Variants in XPO6 observed in about 807,000 individuals in gnomAD.
The protein encoded by XPO6 is exportin-6.
XPO6 carries 3 observed loss-of-function variants against 130.0 expected under a neutral mutation model. That is an observed-to-expected ratio of 0.02 (90% confidence interval 0.01 to 0.06). The LOEUF (loss-of-function observed/expected upper bound fraction) is 0.06. Ranked by LOEUF, XPO6 falls within the 10% of genes least tolerant of loss-of-function variation. XPO6 has a pLI of 1.00. For missense variants in XPO6, 970 were observed against 1,393.0 expected (o/e 0.70, Z 4.83); for synonymous variants, 524 against 548.9 (o/e 0.95, Z 0.63).
At chr16:28,160,184 TAAAAAAA>T (rs56947792) in intron 6 of XPO6, among the ~76,000 whole-genome samples, 1 of 76,126 alleles carries the variant, frequency 1.3e-5, no homozygotes, top group African/African-American at 5.9e-5. Context: ...GCCTCCGTCT[TAAAAAAA>T]AAAAAAAAAA....
At chr16:28,182,206 AAAC>A (rs1472855651) in intron 1 of XPO6, among the ~76,000 whole-genome samples, 5 of 152,206 alleles carry the variant, frequency 3.3e-5, no homozygotes, top group Admixed American at 6.5e-5. Flanking sequence ...CTGCATTTTA[AAAC>A]AACAAGCCCA....
chr16:28,136,041 A>G (rs369800389), intron 9 of XPO6, among the ~76,000 whole-genome samples: 2 of 152,208 alleles, frequency 1.3e-5, no homozygotes, highest in Non-Finnish European at 2.9e-5. Flanking sequence ...CAATGATTTC[A>G]TGCTTTTAAC....
intron 21 of XPO6, among the ~76,000 whole-genome samples, chr16:28,103,790 T>TGC (rs3216911): frequency 1.3e-5 from 2 of 152,280 alleles, no homozygotes; most frequent in South Asian, 4.2e-4. Context: ...TGTGTGTGTG[T>TGC]GCGCGCGCAT....
chr16:28,105,414 G>A (rs2086752316), intron 20 of XPO6, among the ~76,000 whole-genome samples: 1 of 152,158 alleles, frequency 6.6e-6, no homozygotes. Context: ...GTTCAGCCTT[G>A]ATTAAAATTA....
intron 8 of XPO6, among the ~76,000 whole-genome samples, chr16:28,146,934 C>T (rs1227245479): frequency 2.0e-5 from 3 of 152,118 alleles, no homozygotes; most frequent in African/African-American, 7.2e-5. Flanking sequence ...CATGCAAAGT[C>T]CAGGCAACAC....
At chr16:28,170,849 C>G (rs953015065) in intron 4 of XPO6, among the ~76,000 whole-genome samples, 1 of 152,178 alleles carries the variant, frequency 6.6e-6, no homozygotes, top group African/African-American at 2.4e-5. Flanking sequence ...AGTACGCCTT[C>G]AACAGCAAAG....
chr16:28,177,548 G>C (rs1378129598), intron 2 of XPO6, among the ~76,000 whole-genome samples: 1 of 152,152 alleles, frequency 6.6e-6, no homozygotes, highest in Non-Finnish European at 1.5e-5. Context: ...CCACCTAAAA[G>C]CCAATAACCT....
chr16:28,197,938 ATTGTT>A (rs2043892059), intron 1 of XPO6, among the ~76,000 whole-genome samples: 1 of 134,802 alleles, frequency 7.4e-6, no homozygotes. Context: ...AAAAAAAAAA[ATTGTT>A]CAGACTACAT....
chr16:28,170,732 GA>G (rs1341120304), intron 4 of XPO6, among the ~76,000 whole-genome samples: 6 of 152,158 alleles, frequency 3.9e-5, no homozygotes, highest in African/African-American at 1.4e-4. Context: ...ATTAAACTAA[GA>G]TTAGTTAGGA....
chr16:28,170,482 A>G (rs1252777819), intron 4 of XPO6, among the ~76,000 whole-genome samples: 1 of 152,228 alleles, frequency 6.6e-6, no homozygotes, highest in East Asian at 1.9e-4. Context: ...TTTATACCTA[A>G]CATGACAATT....
At chr16:28,199,085 A>G (rs2043913360) in intron 1 of XPO6, among the ~76,000 whole-genome samples, 1 of 151,922 alleles carries the variant, frequency 6.6e-6, no homozygotes, top group African/African-American at 2.4e-5. Context: ...GGTTGCAGTG[A>G]GCTGAGATCG....
rs557736083 is a variant in XPO6, at chr16:28,146,566, T to C, written c.1225-363A>G. On this transcript the variant is annotated intron_variant, in intron 8 of 23. Coordinates refer to ENST00000304658, the MANE Select transcript of XPO6 (RefSeq NM_015171.4). The stretch of plus-strand genomic sequence containing the variant: ...AATCGAGATTCAGAGATATAAGTTG[T>C]TCAAGGCCAGAGGTAAAAACAAGTC... 2.6e-5 allele frequency among the ~76,000 whole-genome samples: 4 copies of C among 152,336 alleles called. No homozygotes were observed. The South Asian group carries it at 8.3e-4, about 32-fold the overall frequency.
At position 28,101,686 on chromosome 16, in the gene XPO6, C is replaced by A. The variant is rs374489030; in HGVS notation, c.3048G>T (p.Lys1016Asn). The A allele has an allele frequency of 5.6e-6, 9 of 1,605,028 alleles. No homozygotes were observed. The highest frequency in any genetic ancestry group is 5.4e-5 in the African/African-American group (4 of 74,766). ...GGAACAGCATGGCAGTCCGGAAGAT[C>A]TTCTGCAGGCAGAGAGACCAGGTGA... The part of the protein sequence containing the change: ...LNTKQKLYHK[K>N]IFRTAMLFQF... The change falls in exon 23 of 24, where the codon AAG becomes AAT. Residue 1016 changes from lysine to asparagine, a missense_variant and splice_region_variant. Around this residue, in one of 4 missense-constraint regions of XPO6, gnomAD observed 936 missense variants for 1,306.8 expected, o/e 0.72. Coordinates refer to ENST00000304658, the MANE Select transcript of XPO6 (RefSeq NM_015171.4). The surrounding 1 kb of genome is among the most constrained non-coding windows in gnomAD (Gnocchi z 5.4).
chr16:28,154,078 T>A, intron 7 of XPO6: 1 of 985,350 alleles, frequency 1.0e-6, no homozygotes, highest in Non-Finnish European at 1.2e-6. Context: ...CAACTGTTTT[T>A]AGAGACAGGA....
In XPO6 at chr16:28,117,551, T is replaced by C. The variant is rs181146392; in HGVS notation, c.1860-89A>G. 2.2e-5 allele frequency: 32 copies of C among 1,467,352 alleles called. No individual in the cohort carries two copies. In the East Asian group the frequency reaches 7.4e-4, roughly 34 times the overall value. The allele number at this position is 1,467,352 out of a possible 1,614,324, so 90.9% of individuals were successfully genotyped here. A position where few individuals can be genotyped will look rare whatever the true frequency, so the allele number is the denominator to read the frequency against. ...ATTTTCATAGGAGGTAAGAATTGCA[T>C]CCACTGCATTTGCTGTTCTAAGACA... On this transcript the variant is annotated intron_variant, in intron 14 of 23. Transcript: ENST00000304658.
chr16:28,111,223 CTTT>C (rs2086912376), intron 17 of XPO6: 1 of 152,122 alleles, frequency 6.6e-6, no homozygotes, highest in Non-Finnish European at 1.5e-5. Context: ...CTATTATTTT[CTTT>C]TTGTGAAAGG....
chr16:28,183,592 T>C (rs1014606117), intron 1 of XPO6, among the ~76,000 whole-genome samples: 2 of 152,218 alleles, frequency 1.3e-5, no homozygotes, highest in African/African-American at 4.8e-5. Flanking sequence ...GTAACAACAA[T>C]ACCTGCCTCA....
intron 1 of XPO6, among the ~76,000 whole-genome samples, chr16:28,199,826 G>C (rs989813536): frequency 6.6e-6 from 1 of 151,578 alleles, no homozygotes; most frequent in South Asian, 2.1e-4. Flanking sequence ...TTACAGGCAT[G>C]AGCCACTGCA....
Position 28,177,309 on chromosome 16 carries a change from G to T in XPO6, c.118C>A (p.Gln40Lys), listed in dbSNP as rs201208528. The change falls in exon 3 of 24, where the codon CAG becomes AAG. Residue 40 changes from glutamine (Q) to lysine (K), a missense_variant. Transcript: ENST00000304658. ...CAGAATCTCCAGGCTCCTATTTGCT[G>T]GGCAAAGTTATTAAGAAGCTCCTCT... Reference protein sequence around the residue: ...EIEELLNNFAQQIGAWRFCLY... With the variant: ...EIEELLNNFAKQIGAWRFCLY... 6.2e-7 allele frequency: 1 copy of T among 1,611,684 alleles called. No individual in the cohort carries two copies. The highest frequency in any genetic ancestry group is 2.2e-5 in the East Asian group (1 of 44,808).
Sources: gnomAD v4.1 joint callset for allele counts (sites outside exome capture counted in the v4.1 genomes callset) on GRCh38, gnomAD v4.1.1 for gene constraint, gnomAD v4.1.1 regional missense constraint, Gnocchi (gnomAD v3.1) non-coding constraint, MANE v1.5 for transcripts, NCBI Gene and HGNC (gene_info 2026-07-23, HGNC 2026-07-21) for gene names.